Variants in TET1 observed in about 807,000 individuals in gnomAD.
TET1 encodes methylcytosine dioxygenase TET1.
Under a neutral mutation model 148.7 loss-of-function variants are expected in TET1, and 13 were observed. That is an observed-to-expected ratio of 0.09 (90% confidence interval 0.06 to 0.14). The LOEUF is 0.14. Ranked by LOEUF, TET1 falls within the 10% of genes least tolerant of loss-of-function variation. TET1 has a pLI of 1.00. For synonymous variants in TET1, 907 were observed against 937.2 expected, an observed-to-expected ratio of 0.97 and a Z score of 0.59; for missense variants, 2,182 against 2,553.8, an observed-to-expected ratio of 0.85 and a Z score of 3.14.
At chr10:68,663,580 T>C (rs750331213) in intron 6 of TET1, among the ~76,000 whole-genome samples, 1 of 152,184 alleles carries the variant, frequency 6.6e-6, no homozygotes, top group Non-Finnish European at 1.5e-5. Flanking sequence ...TTAATACCAG[T>C]CATATATCAT....
chr10:68,657,024 C>CAAA (rs35763138), intron 6 of TET1, among the ~76,000 whole-genome samples: 20,854 of 118,304 alleles, frequency 0.18, 1,836 homozygotes, highest in African/African-American at 0.26. Flanking sequence ...AGTCTAGCTC[C>CAAA]AAAAAAAAAA....
At chr10:68,595,979 T>C (rs868008593) in intron 2 of TET1, among the ~76,000 whole-genome samples, 58 of 30,314 alleles carry the variant, frequency 1.9e-3, no homozygotes, top group African/African-American at 5.3e-3. Context: ...CACACACACA[T>C]ATATACACAC....
At chr10:68,673,154 G>T in intron 8 of TET1, 109 bp downstream of exon 8, 1 of 779,180 alleles carries the variant, frequency 1.3e-6, no homozygotes, top group Non-Finnish European at 1.8e-6. Flanking sequence ...ATATTGAAAA[G>T]TAGTAATCAA....
In TET1 at chr10:68,691,985, T is replaced by C; in HGVS notation, c.*171T>C. 1.4e-6 allele frequency: 1 copy of C among 726,894 alleles called. No individual in the cohort carries two copies. 45.0% of individuals were successfully genotyped at this position (726,894 alleles called of 1,614,324 possible). A position where few individuals can be genotyped will look rare whatever the true frequency, so the allele number is the denominator to read the frequency against. On this transcript the variant is annotated 3_prime_UTR_variant, in exon 12 of 12. Transcript: ENST00000373644. The surrounding 1 kb of genome is among the most constrained non-coding windows in gnomAD (Gnocchi z 4.4). The stretch of plus-strand genomic sequence containing the variant: ...GTGGGTATTCTTAACTGTGACTATA[T>C]TTTGACAATTGGTAGAAGGTGCACA...
rs1172851757 is a variant in TET1, at chr10:68,693,700, A to G, written c.*1886A>G. On this transcript the variant is annotated 3_prime_UTR_variant, in exon 12 of 12. Coordinates refer to ENST00000373644, the MANE Select transcript of TET1 (RefSeq NM_030625.3). Reference sequence around the variant, plus strand: ...TTTTTGTGAGCCTAAGGTTTCTTATATACATATAAGTATATAAATAAGTGA... The same window carrying G: ...TTTTTGTGAGCCTAAGGTTTCTTATGTACATATAAGTATATAAATAAGTGA... The G allele has an allele frequency of 2.2e-5, 5 of 231,736 alleles. No individual in the cohort carries two copies. The highest frequency in any genetic ancestry group is 2.5e-3 in the Middle Eastern group (2 of 794). 14.4% of individuals were successfully genotyped at this position (231,736 alleles called of 1,614,324 possible).
rs763959254 is a variant in TET1, at chr10:68,573,420, C to T, written c.1082C>T (p.Thr361Ile). 1.2e-6 allele frequency: 2 copies of T among 1,614,148 alleles called. No individual in the cohort carries two copies. The highest frequency in any genetic ancestry group is 2.2e-5 in the East Asian group (1 of 44,880). Residue 361 changes from threonine (T) to isoleucine (I), a missense_variant, in exon 2 of 12, where the codon ACC becomes ATC. Physicochemically the swap from Thr to Ile is moderately conservative, Grantham distance 89. Transcript: ENST00000373644. ...GCAAATCAACAGGAAGTTTCTGATA[C>T]CACCTCTTTCCTAGGACAGGCCTTT... ...ATANQQEVSD[T>I]TSFLGQAFGA...
chr10:68,580,797 A>ATAT (rs1431291059), intron 2 of TET1, among the ~76,000 whole-genome samples: 25 of 128,372 alleles, frequency 1.9e-4, no homozygotes, highest in African/African-American at 6.1e-4. Context: ...AAAAAAAAAA[A>ATAT]AAAAAAAAAT....
intron 2 of TET1, among the ~76,000 whole-genome samples, chr10:68,584,032 A>G (rs781166602): frequency 7.9e-5 from 12 of 152,172 alleles, no homozygotes; most frequent in Non-Finnish European, 1.6e-4. Flanking sequence ...GAATGAATAA[A>G]ATATCTTTTT....
intron 3 of TET1, among the ~76,000 whole-genome samples, chr10:68,643,632 C>T (rs2054794356): frequency 6.6e-6 from 1 of 151,884 alleles, no homozygotes. Context: ...ACCAGCCTGG[C>T]CAACATTGTG....
At chr10:68,671,224 A>T (rs1410048322) in intron 7 of TET1, among the ~76,000 whole-genome samples, 1 of 152,136 alleles carries the variant, frequency 6.6e-6, no homozygotes. Context: ...AGTAGGCCCC[A>T]GTGTCTGTTG....
intron 3 of TET1, among the ~76,000 whole-genome samples, chr10:68,624,178 C>A (rs1480461758): frequency 6.6e-6 from 1 of 151,324 alleles, no homozygotes; most frequent in Non-Finnish European, 1.5e-5. Flanking sequence ...CCCACTGAAA[C>A]TTCCCCATCC....
At chr10:68,680,234 T>C (rs2055417822) in intron 8 of TET1, among the ~76,000 whole-genome samples, 1 of 152,246 alleles carries the variant, frequency 6.6e-6, no homozygotes, top group Admixed American at 6.5e-5. Flanking sequence ...GGTCAATTGA[T>C]TCATATAATG....
intron 2 of TET1, among the ~76,000 whole-genome samples, chr10:68,580,313 ATT>A (rs1163318028): frequency 0.013 from 788 of 60,346 alleles, 1 homozygote; most frequent in African/African-American, 0.047. Flanking sequence ...ATTATATTCA[ATT>A]TTTTTTTTTT....
chr10:68,688,581 C>A (rs66473242), intron 11 of TET1, among the ~76,000 whole-genome samples: 16,111 of 151,322 alleles, frequency 0.11, 997 homozygotes, highest in South Asian at 0.17. Context: ...ACTACAGGCA[C>A]CCGCCACCAC....
chr10:68,622,553 A>G (rs1251073000), intron 3 of TET1, among the ~76,000 whole-genome samples: 2 of 151,988 alleles, frequency 1.3e-5, no homozygotes, highest in Non-Finnish European at 2.9e-5. Flanking sequence ...GGCATGAGCC[A>G]CCACACCCGG....
At chr10:68,643,538 T>C (rs988308301) in intron 3 of TET1, among the ~76,000 whole-genome samples, 15 of 152,114 alleles carry the variant, frequency 9.9e-5, no homozygotes, top group African/African-American at 3.4e-4. Context: ...ATAATAGGTA[T>C]GGCTGTGCAC....
rs1309237681 is a variant in TET1 at position 68,572,452 on chromosome 10, G to A, written c.114G>A (p.Val38=). 1 of 1,614,104 alleles carries A rather than the reference G, an allele frequency of 6.2e-7. No homozygotes were observed. Among genetic ancestry groups the A allele is most frequent in the Admixed American group, 1.7e-5 (1 of 59,984 alleles). ...RKTTKGANKN[V]ASVKTLSPGK... is the part of the protein sequence containing the mutation. ...CAACCAAGGGAGCCAACAAAAATGT[G>A]GCATCAGTCAAGACTTTAAGCCCTG... Residue 38 remains valine (V), a synonymous_variant, in exon 2 of 12, where the codon GTG becomes GTA. Coordinates refer to ENST00000373644, the MANE Select transcript of TET1 (RefSeq NM_030625.3).
chr10:68,572,318 A>C lies in TET1; in HGVS notation c.-21A>C. On this transcript the variant is annotated 5_prime_UTR_variant, in exon 2 of 12. Coordinates refer to ENST00000373644, the MANE Select transcript of TET1 (RefSeq NM_030625.3). ...ATGACTCTGTTTCCTGCGCCCTTTC[A>C]TTTTTTCCTACTCTGTAGCTATGTC... The C allele has an allele frequency of 2.6e-6, 4 of 1,564,878 alleles. No homozygotes were observed. The highest frequency in any genetic ancestry group is 3.4e-6 in the Non-Finnish European group (4 of 1,161,562).
At position 68,601,011 on chromosome 10, in the gene TET1, GA is replaced by G; in HGVS notation, c.1949del (p.Lys650ArgfsTer6). The G allele has an allele frequency of 6.2e-7, 1 of 1,605,428 alleles. No individual in the cohort carries two copies. The highest frequency in any genetic ancestry group is 1.1e-5 in the South Asian group (1 of 88,160). ...VIKENKRPQR[E>X]KKPKVLKADF... Reference sequence around the variant, plus strand: ...AAAGGAAAACAAGAGGCCCCAGAGGGAAAAGAAGCCCAAAGTTTTAAAGGTA... The same window carrying G: ...AAAGGAAAACAAGAGGCCCCAGAGGGAAAGAAGCCCAAAGTTTTAAAGGTA... On this transcript the variant is annotated frameshift_variant, in exon 3 of 12. Coordinates refer to ENST00000373644, the MANE Select transcript of TET1 (RefSeq NM_030625.3). LOFTEE classifies it high-confidence loss of function.
Sources: allele counts gnomAD v4.1 joint callset (sites outside exome capture counted in the v4.1 genomes callset), GRCh38; gene constraint gnomAD v4.1.1; non-coding constraint Gnocchi (gnomAD v3.1); transcripts MANE v1.5; gene names NCBI Gene and HGNC (gene_info 2026-07-23, HGNC 2026-07-21).